Variants in GPHN observed in about 807,000 individuals in gnomAD.
GPHN encodes the protein gephyrin.
GPHN carries 17 observed loss-of-function variants against 95.5 expected under a neutral mutation model. The ratio of observed to expected loss-of-function variants is 0.18; its 90% CI spans 0.12 to 0.27. GPHN has a LOEUF of 0.27. Ranked by LOEUF, GPHN falls within the 10% of genes least tolerant of loss-of-function variation. GPHN has a pLI of 1.00. For missense variants in GPHN, 660 were observed against 978.1 expected, an observed-to-expected ratio of 0.67 and a Z score of 4.34; for synonymous variants, 320 against 322.5, an observed-to-expected ratio of 0.99 and a Z score of 0.08.
chr14:67,114,551 A>G (rs1258641673), intron 16 of GPHN, among the ~76,000 whole-genome samples: 1 of 152,132 alleles, frequency 6.6e-6, no homozygotes, highest in East Asian at 1.9e-4. Context: ...ATAGCTATGC[A>G]TGGTAGCACA....
intron 1 of GPHN, among the ~76,000 whole-genome samples, chr14:66,661,351 C>T (rs1053569785): frequency 3.9e-5 from 6 of 152,120 alleles, no homozygotes; most frequent in African/African-American, 4.8e-5. Context: ...GAGTCCAAAC[C>T]AACTGGGCAT....
chr14:66,645,480 A>G (rs1158182898), intron 1 of GPHN, among the ~76,000 whole-genome samples: 3 of 151,980 alleles, frequency 2.0e-5, no homozygotes, highest in Admixed American at 6.6e-5. Flanking sequence ...TGAGGTAAGG[A>G]GTTCAAGACC....
chr14:66,659,438 A>G (rs1445278535), intron 1 of GPHN, among the ~76,000 whole-genome samples: 1 of 152,074 alleles, frequency 6.6e-6, no homozygotes, highest in Non-Finnish European at 1.5e-5. Context: ...AATGTCAGTT[A>G]TGTCCTGGTG....
chr14:67,612,592 T>C, the GPHN span, among the ~76,000 whole-genome samples: 1 of 152,270 alleles, frequency 6.6e-6, no homozygotes, highest in East Asian at 1.9e-4. Context: ...ATAAAAAGAC[T>C]AGAAAAACAC....
At chr14:67,653,557 A>C in the GPHN span, 2 of 1,456,280 alleles carry the variant, frequency 1.4e-6, no homozygotes, top group Non-Finnish European at 1.9e-6. Flanking sequence ...GTACAATTGA[A>C]TATCCCTAGA....
intron 5 of GPHN, among the ~76,000 whole-genome samples, chr14:66,906,824 T>G (rs1567086078): frequency 6.6e-6 from 1 of 152,188 alleles, no homozygotes; most frequent in African/African-American, 2.4e-5. Context: ...GCTTCCACTG[T>G]GGTCAGAGAA....
At chr14:66,956,037 A>G (rs1175749390) in intron 8 of GPHN, among the ~76,000 whole-genome samples, 4 of 152,010 alleles carry the variant, frequency 2.6e-5, no homozygotes, top group Non-Finnish European at 5.9e-5. Flanking sequence ...TAAAGGACCA[A>G]CTTTGATTTT....
chr14:66,634,119 T>C (rs1457433321), intron 1 of GPHN, among the ~76,000 whole-genome samples: 1 of 152,148 alleles, frequency 6.6e-6, no homozygotes, highest in African/African-American at 2.4e-5. Flanking sequence ...TTCTTTTCTT[T>C]GGGGTCTGTT....
At chr14:66,940,083 C>T (rs1006969576) in intron 8 of GPHN, among the ~76,000 whole-genome samples, 2 of 152,046 alleles carry the variant, frequency 1.3e-5, no homozygotes, top group Admixed American at 6.5e-5. Context: ...CTTCTGGGTT[C>T]CTGTCCCCTG....
chr14:67,601,544 T>C, the GPHN span, among the ~76,000 whole-genome samples: 1 of 152,128 alleles, frequency 6.6e-6, no homozygotes, highest in Non-Finnish European at 1.5e-5. Context: ...TCATGAGTAA[T>C]AGTGGCCTAT....
At chr14:67,194,723 GA>G in the GPHN span, among the ~76,000 whole-genome samples, 1 of 152,020 alleles carries the variant, frequency 6.6e-6, no homozygotes, top group African/African-American at 2.4e-5. Flanking sequence ...GGCTGGTCTC[GA>G]ACTCCTGACC....
the GPHN span, among the ~76,000 whole-genome samples, chr14:67,368,346 T>C: frequency 6.6e-6 from 1 of 152,154 alleles, no homozygotes; most frequent in Non-Finnish European, 1.5e-5. Context: ...GGGCTCCAGA[T>C]TGGCTGCTCT....
In GPHN at chr14:67,110,177, T is replaced by C; in HGVS notation, c.1331T>C (p.Val444Ala). The C allele has an allele frequency of 6.2e-7, 1 of 1,612,650 alleles. No homozygotes were observed. The highest frequency in any genetic ancestry group is 8.5e-7 in the Non-Finnish European group (1 of 1,178,648). The change falls in exon 14 of 23, where the codon GTT becomes GCT. Residue 444 changes from valine to alanine, a missense_variant. Physicochemically the swap from Val to Ala is moderately conservative, Grantham distance 64 (BLOSUM62 0). Transcript: ENST00000478722. ...GTAATGCCAGGACAAGTCATGCGGG[T>C]TACAACAGGTGCTCCAATACCCTGC... ...QTVMPGQVMR[V>A]TTGAPIPCGA...
chr14:66,673,639 T>C (rs1379798966), intron 1 of GPHN, among the ~76,000 whole-genome samples: 2 of 152,208 alleles, frequency 1.3e-5, no homozygotes, highest in African/African-American at 2.4e-5. Flanking sequence ...GTTAGATAAA[T>C]CAGGAAAAAG....
chr14:67,417,514 C>T, the GPHN span, among the ~76,000 whole-genome samples: 2 of 151,972 alleles, frequency 1.3e-5, no homozygotes, highest in African/African-American at 4.8e-5. Flanking sequence ...TCACTGCAGC[C>T]TCCACCTCCC....
At chr14:67,388,407 T>C in the GPHN span, 2 of 737,080 alleles carry the variant, frequency 2.7e-6, no homozygotes, top group Non-Finnish European at 5.0e-6. Context: ...TGCAAATCAT[T>C]TGTAATAGAA....
At chr14:67,164,886 G>C (rs948508050) in intron 19 of GPHN, among the ~76,000 whole-genome samples, 1 of 150,196 alleles carries the variant, frequency 6.7e-6, no homozygotes, top group Non-Finnish European at 1.5e-5. Flanking sequence ...GAAACTCCAA[G>C]ATTTGGAGTA....
intron 3 of GPHN, among the ~76,000 whole-genome samples, chr14:66,816,958 C>G (rs2060995109): frequency 6.6e-6 from 1 of 152,062 alleles, no homozygotes; most frequent in Non-Finnish European, 1.5e-5. Flanking sequence ...GTTGTTTACT[C>G]TTTGGCAATA....
chr14:67,441,042 G>A, the GPHN span, among the ~76,000 whole-genome samples: 2 of 152,126 alleles, frequency 1.3e-5, no homozygotes, highest in African/African-American at 4.8e-5. Context: ...GGATAAAAAC[G>A]GAGCATCAAC....
Sources: gnomAD v4.1 joint callset for allele counts (sites outside exome capture counted in the v4.1 genomes callset) on GRCh38, gnomAD v4.1.1 for gene constraint, MANE v1.5 for transcripts, NCBI Gene and HGNC (gene_info 2026-07-23, HGNC 2026-07-21) for gene names.